SLCO6A1: variants seen among roughly 807,000 people sequenced by gnomAD.
SLCO6A1 encodes solute carrier organic anion transporter family member 6A1.
In SLCO6A1, 65 loss-of-function variants were observed where a neutral mutation model predicts 72.7. That is an observed-to-expected ratio of 0.89 (90% confidence interval 0.73 to 1.10). The LOEUF is 1.10. Among genes scored for constraint, SLCO6A1 ranks in the 50% least tolerant of loss-of-function variants. The pLI, the probability that SLCO6A1 is intolerant of heterozygous loss-of-function variation, is 0.00. For synonymous variants in SLCO6A1, 314 were observed against 298.2 expected (o/e 1.05, Z -0.55); for missense variants, 874 against 872.6 (o/e 1.00, Z -0.02).
Position 102,412,975 on chromosome 5 carries a change from A to T in SLCO6A1, c.1626+15T>A. ...AAATGTATAACAAAACATAATAATT[A>T]TAAAAAATAATTACCTTTTTTTGGT... On this transcript the variant is annotated intron_variant, in intron 9 of 13. Transcript: ENST00000506729. 1 of 1,172,544 alleles carries T rather than the reference A, an allele frequency of 8.5e-7. No homozygotes were observed. The highest frequency in any genetic ancestry group is 1.1e-6 in the Non-Finnish European group (1 of 896,658). The allele number at this position is 1,172,544 out of a possible 1,614,324, so 72.6% of individuals were successfully genotyped here. A position where few individuals can be genotyped will look rare whatever the true frequency, so the allele number is the denominator to read the frequency against.
At chr5:102,456,657 C>A (rs539694062) in intron 6 of SLCO6A1, among the ~76,000 whole-genome samples, 1 of 152,046 alleles carries the variant, frequency 6.6e-6, no homozygotes, top group African/African-American at 2.4e-5. Context: ...GAATCAATAT[C>A]GTGAAAATGG....
At position 102,447,655 on chromosome 5, in the gene SLCO6A1, G is replaced by T. The variant is rs570430052; in HGVS notation, c.1132-8894C>A. Among the ~76,000 whole-genome samples the T allele has an allele frequency of 3.9e-5, 6 of 152,164 alleles. 1 individual carries two copies. The South Asian group carries it at 1.0e-3, about 26-fold the overall frequency. On this transcript the variant is annotated intron_variant, in intron 6 of 13. Coordinates refer to ENST00000506729, the MANE Select transcript of SLCO6A1 (RefSeq NM_173488.5). ...GTTTCTTCCAGATTTTCTAGTTTGC[G>T]TGCATAGTGGTGCTTGTAATAGTCT...
At chr5:102,374,097 G>A (rs189029616) in intron 12 of SLCO6A1, among the ~76,000 whole-genome samples, 210 of 151,434 alleles carry the variant, frequency 1.4e-3, no homozygotes, top group Non-Finnish European at 2.4e-3. Flanking sequence ...GAGTGCAGTG[G>A]CACGATCTTG....
intron 7 of SLCO6A1, among the ~76,000 whole-genome samples, chr5:102,436,251 C>G (rs2112671672): frequency 6.6e-6 from 1 of 152,278 alleles, no homozygotes; most frequent in Non-Finnish European, 1.5e-5. Context: ...AAACCTTTCA[C>G]TGATAGATGA....
At position 102,498,882 on chromosome 5, in the gene SLCO6A1, T is replaced by C; in HGVS notation, c.-38A>G. The C allele has an allele frequency of 6.4e-7, 1 of 1,551,854 alleles. No individual in the cohort carries two copies. Among genetic ancestry groups the C allele is most frequent in the East Asian group, 2.3e-5 (1 of 44,346 alleles). ...GCGGCTCCTGGCGACGCGGCCCGAG[T>C]GCTCTCGGCTGCCCGTCCTGCCTGG... On this transcript the variant is annotated 5_prime_UTR_variant, in exon 1 of 14. Coordinates refer to ENST00000506729, the MANE Select transcript of SLCO6A1 (RefSeq NM_173488.5).
At chr5:102,425,709 A>C (rs549733690) in intron 7 of SLCO6A1, among the ~76,000 whole-genome samples, 2 of 152,206 alleles carry the variant, frequency 1.3e-5, no homozygotes, top group African/African-American at 4.8e-5. Context: ...AGTAATTTAT[A>C]GATTTATGCT....
chr5:102,427,931 T>C (rs899574132), intron 7 of SLCO6A1, among the ~76,000 whole-genome samples: 45 of 144,826 alleles, frequency 3.1e-4, no homozygotes, highest in African/African-American at 1.1e-3. Flanking sequence ...TGCAGTGGCA[T>C]GGTATTGGCT....
intron 6 of SLCO6A1, among the ~76,000 whole-genome samples, chr5:102,455,174 C>A (rs1164223825): frequency 6.6e-6 from 1 of 151,350 alleles, no homozygotes; most frequent in Non-Finnish European, 1.5e-5. Context: ...TAGCATCTAC[C>A]AAAATACAGG....
At chr5:102,457,863 C>G (rs1750812823) in intron 6 of SLCO6A1, among the ~76,000 whole-genome samples, 1 of 152,128 alleles carries the variant, frequency 6.6e-6, no homozygotes, top group South Asian at 2.1e-4. Context: ...AAATGTCCAA[C>G]AATGATAGAC....
chr5:102,378,764 T>C (rs974731990), intron 12 of SLCO6A1, among the ~76,000 whole-genome samples: 30 of 152,050 alleles, frequency 2.0e-4, no homozygotes, highest in African/African-American at 7.0e-4. Context: ...ATCCATTCTA[T>C]TGTTGTTTTT....
intron 2 of SLCO6A1, among the ~76,000 whole-genome samples, chr5:102,478,905 A>G (rs17333350): frequency 0.26 from 39,066 of 152,124 alleles, 5,768 homozygotes; most frequent in South Asian, 0.35. Flanking sequence ...TACAACTGTC[A>G]TTCAAATGCC....
At chr5:102,400,588 G>C (rs1278898094) in intron 9 of SLCO6A1, among the ~76,000 whole-genome samples, 2 of 151,884 alleles carry the variant, frequency 1.3e-5, no homozygotes, top group Non-Finnish European at 2.9e-5. Flanking sequence ...AAGATGCAGA[G>C]ACCAGTTCGC....
intron 8 of SLCO6A1, among the ~76,000 whole-genome samples, chr5:102,416,234 T>C (rs1748277888): frequency 6.6e-6 from 1 of 151,918 alleles, no homozygotes; most frequent in Non-Finnish European, 1.5e-5. Flanking sequence ...TAAAATAATA[T>C]ATCAAAAAGA....
chr5:102,461,351 T>A (rs1751029555), intron 4 of SLCO6A1, among the ~76,000 whole-genome samples: 1 of 151,972 alleles, frequency 6.6e-6, no homozygotes, highest in South Asian at 2.1e-4. Context: ...TATAAAAAGA[T>A]AACAGTCCTA....
chr5:102,490,018 A>G (rs1207193526), intron 1 of SLCO6A1, among the ~76,000 whole-genome samples: 2 of 152,240 alleles, frequency 1.3e-5, no homozygotes, highest in Admixed American at 6.5e-5. Context: ...GTTCTCACTC[A>G]TATGTATAAT....
At chr5:102,443,642 T>C (rs79602013) in intron 6 of SLCO6A1, among the ~76,000 whole-genome samples, 4,362 of 152,300 alleles carry the variant, frequency 0.029, 106 homozygotes, top group Non-Finnish European at 0.046. Context: ...TGGTAACCAA[T>C]GCACAAGGAA....
At chr5:102,419,666 C>G (rs1402989953) in intron 8 of SLCO6A1, among the ~76,000 whole-genome samples, 160 bp downstream of exon 8, 1 of 146,732 alleles carries the variant, frequency 6.8e-6, no homozygotes, top group Non-Finnish European at 1.5e-5. Context: ...TTGTGCCTTA[C>G]TATGAAAATT....
chr5:102,431,510 G>A (rs1222950701), intron 7 of SLCO6A1, among the ~76,000 whole-genome samples: 2 of 151,958 alleles, frequency 1.3e-5, no homozygotes, highest in Non-Finnish European at 2.9e-5. Context: ...ATTCAGGGTG[G>A]GTCATTTAAT....
chr5:102,379,770 T>C (rs1234592497), intron 12 of SLCO6A1, among the ~76,000 whole-genome samples: 1 of 77,344 alleles, frequency 1.3e-5, no homozygotes, highest in Admixed American at 1.2e-4. Context: ...ATTTTGTCAA[T>C]TTCAAAAAAA....
Sources: allele counts gnomAD v4.1 joint callset (sites outside exome capture counted in the v4.1 genomes callset), GRCh38; gene constraint gnomAD v4.1.1; transcripts MANE v1.5; gene names NCBI Gene and HGNC (gene_info 2026-07-23, HGNC 2026-07-21).